Variants in RGS6 observed in about 807,000 individuals in gnomAD.
RGS6 encodes the protein regulator of G-protein signaling 6.
RGS6 carries 30 observed loss-of-function variants against 78.5 expected under a neutral mutation model. The observed-to-expected ratio is 0.38, with a 90% CI of 0.29 to 0.52. The LOEUF is 0.52. Among genes scored for constraint, RGS6 ranks in the 20% least tolerant of loss-of-function variants. The pLI is 0.85. For missense variants in RGS6, 495 were observed against 609.7 expected (o/e 0.81, Z 1.98); for synonymous variants, 206 against 206.0 (o/e 1.00, Z 0.00).
At chr14:72,155,781 C>T (rs2096761892) in intron 2 of RGS6, among the ~76,000 whole-genome samples, 1 of 152,240 alleles carries the variant, frequency 6.6e-6, no homozygotes, top group Non-Finnish European at 1.5e-5. Flanking sequence ...TGAATCATCA[C>T]ATCTACTGTG....
chr14:72,487,387 C>T (rs894224894), intron 12 of RGS6, among the ~76,000 whole-genome samples: 3 of 152,164 alleles, frequency 2.0e-5, no homozygotes, highest in Non-Finnish European at 4.4e-5. Context: ...AATGATCTCT[C>T]AAAGATGTCC....
chr14:72,376,696 A>G (rs940450172), intron 3 of RGS6, among the ~76,000 whole-genome samples: 6 of 152,208 alleles, frequency 3.9e-5, no homozygotes, highest in Non-Finnish European at 8.8e-5. Context: ...TGAAAGAAAA[A>G]AAATAAAACT....
intron 11 of RGS6, 129 bp from the exon 12 acceptor site, chr14:72,478,139 G>T: frequency 1.5e-6 from 1 of 660,498 alleles, no homozygotes; most frequent in Non-Finnish European, 2.8e-6. Context: ...GCAGAGCTGA[G>T]GGAGTTGGAG....
chr14:71,999,175 G>A (rs191784648), intron 2 of RGS6, among the ~76,000 whole-genome samples: 7 of 152,166 alleles, frequency 4.6e-5, no homozygotes, highest in African/African-American at 7.2e-5. Context: ...AATAATTATC[G>A]TAGGTTCTTT....
At chr14:72,585,070 T>C in the RGS6 span, among the ~76,000 whole-genome samples, 2 of 152,062 alleles carry the variant, frequency 1.3e-5, no homozygotes, top group Non-Finnish European at 2.9e-5. Context: ...AAAAATGATA[T>C]GTGCTTCTGA....
At chr14:72,098,476 AG>A (rs918635282) in intron 2 of RGS6, among the ~76,000 whole-genome samples, 3 of 152,222 alleles carry the variant, frequency 2.0e-5, no homozygotes, top group Non-Finnish European at 4.4e-5. Context: ...CGGTGTGGAC[AG>A]GGGCAGAGTT....
chr14:72,290,778 G>A (rs908404919), intron 2 of RGS6, among the ~76,000 whole-genome samples: 5 of 152,158 alleles, frequency 3.3e-5, no homozygotes, highest in Middle Eastern at 3.2e-3. Flanking sequence ...AGCCTCACAC[G>A]GATTAATTAA....
chr14:72,206,481 TCA>T (rs1302735102), intron 2 of RGS6, among the ~76,000 whole-genome samples: 3 of 151,828 alleles, frequency 2.0e-5, no homozygotes, highest in Non-Finnish European at 2.9e-5. Flanking sequence ...TGTGTGTGTG[TCA>T]CACACACACA....
intron 2 of RGS6, among the ~76,000 whole-genome samples, chr14:71,982,263 G>T (rs1475019407): frequency 1.3e-5 from 2 of 152,194 alleles, no homozygotes; most frequent in Admixed American, 6.5e-5. Flanking sequence ...CGCTCAGGCT[G>T]GGAGCTGTAG....
chr14:71,925,365 C>T, the RGS6 span, among the ~76,000 whole-genome samples: 1 of 152,206 alleles, frequency 6.6e-6, no homozygotes, highest in Non-Finnish European at 1.5e-5. Flanking sequence ...GTTGCCTCTT[C>T]ACCCTGCTGT....
At chr14:72,148,577 T>C (rs773522342) in intron 2 of RGS6, among the ~76,000 whole-genome samples, 1 of 152,116 alleles carries the variant, frequency 6.6e-6, no homozygotes, top group Non-Finnish European at 1.5e-5. Context: ...ATAATTCAGG[T>C]GGACCCCTTA....
At chr14:72,190,391 T>C (rs1313683531) in intron 2 of RGS6, among the ~76,000 whole-genome samples, 1 of 152,184 alleles carries the variant, frequency 6.6e-6, no homozygotes, top group Non-Finnish European at 1.5e-5. Context: ...AGAGACAACA[T>C]TGTGGAATGT....
the RGS6 span, among the ~76,000 whole-genome samples, chr14:72,589,542 G>A: frequency 3.8e-3 from 580 of 152,134 alleles, 3 homozygotes; most frequent in Non-Finnish European, 5.4e-3. Context: ...AGAATGAGAC[G>A]CTGTCTCAAA....
chr14:72,568,299 C>T (rs2097716304), downstream of RGS6, among the ~76,000 whole-genome samples: 1 of 152,204 alleles, frequency 6.6e-6, no homozygotes, highest in Non-Finnish European at 1.5e-5. Context: ...GAGGGCTTAG[C>T]CTGGGCCTGA....
chr14:72,205,084 G>A (rs1263846133), intron 2 of RGS6, among the ~76,000 whole-genome samples: 1 of 152,158 alleles, frequency 6.6e-6, no homozygotes, highest in Admixed American at 6.5e-5. Context: ...TACAAAATAT[G>A]ATTCCTACAT....
intron 2 of RGS6, among the ~76,000 whole-genome samples, chr14:72,083,042 G>A (rs377222657): frequency 1.3e-5 from 2 of 152,164 alleles, no homozygotes; most frequent in Admixed American, 1.3e-4. Context: ...AGATGTACCA[G>A]TGTCCTCAAG....
intron 2 of RGS6, among the ~76,000 whole-genome samples, chr14:72,147,933 C>A (rs1049247974): frequency 1.3e-5 from 2 of 152,040 alleles, no homozygotes; most frequent in African/African-American, 2.4e-5. Flanking sequence ...AGATTGAGAC[C>A]ATCCTGGCTA....
intron 9 of RGS6, 97 bp downstream of exon 9, chr14:72,473,050 A>G (rs2096128759): frequency 2.5e-6 from 2 of 791,806 alleles, no homozygotes; most frequent in Non-Finnish European, 4.0e-6. Flanking sequence ...CAGGTGTCTC[A>G]TTCTTAAGAA....
chr14:72,131,931 A>T (rs1035445351), intron 2 of RGS6, among the ~76,000 whole-genome samples: 10 of 152,292 alleles, frequency 6.6e-5, no homozygotes, highest in Middle Eastern at 3.4e-3. Context: ...GTTGTTTTTT[A>T]AAAATGTACA....
Sources: gnomAD v4.1 joint callset for allele counts (sites outside exome capture counted in the v4.1 genomes callset) on GRCh38, gnomAD v4.1.1 for gene constraint, MANE v1.5 for transcripts, NCBI Gene and HGNC (gene_info 2026-07-23, HGNC 2026-07-21) for gene names.